GRB10: variants seen among roughly 807,000 people sequenced by gnomAD.
GRB10 encodes growth factor receptor bound protein 10, also known as growth factor receptor-bound protein 10.
In GRB10, 20 loss-of-function variants were observed where a neutral mutation model predicts 80.9. The ratio of observed to expected loss-of-function variants is 0.25; its 90% CI spans 0.17 to 0.36. GRB10 has a LOEUF of 0.36. Among genes scored for constraint, GRB10 ranks in the 10% least tolerant of loss-of-function variants. GRB10 has a pLI of 1.00. For missense variants in GRB10, 548 were observed against 747.7 expected (o/e 0.73, Z 3.12); for synonymous variants, 291 against 291.5 (o/e 1.00, Z 0.02).
intron 7 of GRB10, among the ~76,000 whole-genome samples, chr7:50,652,410 T>C (rs2058098471): frequency 6.6e-6 from 1 of 152,184 alleles, no homozygotes. Flanking sequence ...TCGGTTTCTA[T>C]AGAAGCAACC....
intron 7 of GRB10, among the ~76,000 whole-genome samples, chr7:50,640,128 C>G (rs1224271928): frequency 6.6e-6 from 1 of 152,184 alleles, no homozygotes; most frequent in Non-Finnish European, 1.5e-5. Flanking sequence ...AGGGGCAGGG[C>G]CCTCTTGGAG....
chr7:50,743,237 C>T (rs1342579295), intron 3 of GRB10, among the ~76,000 whole-genome samples: 2 of 152,164 alleles, frequency 1.3e-5, no homozygotes, highest in Non-Finnish European at 2.9e-5. Context: ...CTATATGTGA[C>T]CATAGGTATG....
intron 5 of GRB10, among the ~76,000 whole-genome samples, chr7:50,682,422 G>C (rs1409178978): frequency 6.6e-6 from 1 of 152,232 alleles, no homozygotes; most frequent in Non-Finnish European, 1.5e-5. Context: ...GGCAGGGTCA[G>C]AGCCATGATA....
chr7:50,710,168 A>T (rs1222214260), intron 4 of GRB10, among the ~76,000 whole-genome samples: 1 of 152,124 alleles, frequency 6.6e-6, no homozygotes, highest in Non-Finnish European at 1.5e-5. Flanking sequence ...AGCAGGAAGT[A>T]ACAAGGGTGA....
chr7:50,660,554 G>C (rs1409924338), intron 7 of GRB10, among the ~76,000 whole-genome samples: 1 of 152,040 alleles, frequency 6.6e-6, no homozygotes, highest in Non-Finnish European at 1.5e-5. Context: ...CTGGAGCTGG[G>C]TTCTGCCCCA....
chr7:50,689,160 G>C (rs2062472039), intron 5 of GRB10, among the ~76,000 whole-genome samples: 1 of 152,174 alleles, frequency 6.6e-6, no homozygotes, highest in Non-Finnish European at 1.5e-5. Context: ...ATTTTGCCAT[G>C]ATGCAGAAAT....
In GRB10 at chr7:50,669,774, G is replaced by A; in HGVS notation, c.452C>T (p.Pro151Leu). The part of the protein sequence containing the change: ...PFPELCGPGS[P>L]PVLTPGSLPP... ...TAAAGAACCCGGCGTGAGCACAGGG[G>A]GGCTCCCAGGGCCACAGAGTTCAGG... Residue 151 changes from proline (P) to leucine (L), a missense_variant, in exon 7 of 19, where the codon CCC (proline) becomes CTC (leucine). By Grantham distance (98) the Pro-to-Leu change is moderately conservative. Coordinates refer to ENST00000401949, the MANE Select transcript of GRB10 (RefSeq NM_001350814.2). The A allele has an allele frequency of 2.5e-6, 4 of 1,613,970 alleles. No individual in the cohort carries two copies. Among genetic ancestry groups the A allele is most frequent in the Non-Finnish European group, 2.5e-6 (3 of 1,179,972 alleles).
chr7:50,610,697 C>A (rs569865264), intron 13 of GRB10, among the ~76,000 whole-genome samples: 34 of 152,192 alleles, frequency 2.2e-4, no homozygotes, highest in Non-Finnish European at 4.6e-4. Flanking sequence ...ATGCATGTCA[C>A]TGAGCTGTCA....
At chr7:50,776,797 T>C (rs552446831) in intron 2 of GRB10, among the ~76,000 whole-genome samples, 1 of 152,288 alleles carries the variant, frequency 6.6e-6, no homozygotes, top group South Asian at 2.1e-4. Context: ...CAGAACGGGC[T>C]TTACTGTCTA....
chr7:50,755,117 G>C (rs1015200825), intron 3 of GRB10, among the ~76,000 whole-genome samples: 11 of 152,214 alleles, frequency 7.2e-5, no homozygotes, highest in African/African-American at 2.7e-4. Flanking sequence ...GCCAGTCTGC[G>C]GGATACTGCG....
chr7:50,732,157 C>T (rs536367014), intron 4 of GRB10, 115 bp downstream of exon 4: 22 of 1,036,378 alleles, frequency 2.1e-5, no homozygotes, highest in Admixed American at 1.0e-4. Flanking sequence ...CCTGCTCCAG[C>T]GTGTCCTAGT....
chr7:50,692,982 T>C (rs145365600), intron 5 of GRB10, among the ~76,000 whole-genome samples: 38 of 152,294 alleles, frequency 2.5e-4, no homozygotes, highest in Middle Eastern at 3.4e-3. Flanking sequence ...ATGAGGAAGA[T>C]AAGACATGCA....
intron 7 of GRB10, among the ~76,000 whole-genome samples, chr7:50,656,373 A>T (rs985774915): frequency 6.6e-6 from 1 of 152,164 alleles, no homozygotes; most frequent in Admixed American, 6.5e-5. Context: ...AAAAGACAGG[A>T]TGTGTAACTA....
chr7:50,668,129 A>G (rs1335773394), intron 7 of GRB10, among the ~76,000 whole-genome samples: 3 of 152,128 alleles, frequency 2.0e-5, no homozygotes, highest in Non-Finnish European at 4.4e-5. Context: ...CTCACCTTCT[A>G]AGTTTTGATA....
chr7:50,713,657 C>A (rs1417208973), intron 4 of GRB10, among the ~76,000 whole-genome samples: 1 of 117,654 alleles, frequency 8.5e-6, no homozygotes, highest in Non-Finnish European at 1.8e-5. Context: ...ATCACCTCCA[C>A]CTCCTCCACC....
At chr7:50,743,243 G>A (rs1253097987) in intron 3 of GRB10, among the ~76,000 whole-genome samples, 1 of 152,194 alleles carries the variant, frequency 6.6e-6, no homozygotes, top group Non-Finnish European at 1.5e-5. Flanking sequence ...GTGACCATAG[G>A]TATGAGGATG....
intron 7 of GRB10, among the ~76,000 whole-genome samples, chr7:50,644,069 C>G (rs2056758729): frequency 1.3e-5 from 2 of 152,158 alleles, no homozygotes; most frequent in Non-Finnish European, 2.9e-5. Context: ...AGCATGGGGG[C>G]CCTTGTTTCA....
intron 5 of GRB10, among the ~76,000 whole-genome samples, chr7:50,682,714 T>A (rs2061680031): frequency 6.6e-6 from 1 of 152,186 alleles, no homozygotes; most frequent in Non-Finnish European, 1.5e-5. Flanking sequence ...TATATTTGAA[T>A]CAGAGAGGAA....
At chr7:50,747,253 G>T (rs186788611) in intron 3 of GRB10, among the ~76,000 whole-genome samples, 1 of 152,184 alleles carries the variant, frequency 6.6e-6, no homozygotes, top group Non-Finnish European at 1.5e-5. Context: ...GAGCCCAGGC[G>T]CGGTAGCTGA....
Sources: allele counts gnomAD v4.1 joint callset (sites outside exome capture counted in the v4.1 genomes callset), GRCh38; gene constraint gnomAD v4.1.1; transcripts MANE v1.5; gene names NCBI Gene and HGNC (gene_info 2026-07-23, HGNC 2026-07-21).